Variants in TSPAN8 observed in about 807,000 individuals in gnomAD.
TSPAN8 encodes tetraspanin 8.
Under a neutral mutation model 32.8 loss-of-function variants are expected in TSPAN8, and 21 were observed. The observed-to-expected ratio is 0.64, with a 90% CI of 0.45 to 0.92. The LOEUF (loss-of-function observed/expected upper bound fraction) is 0.92. Among genes scored for constraint, TSPAN8 ranks in the 40% least tolerant of loss-of-function variants. The pLI is 0.00. For synonymous variants in TSPAN8, 95 were observed against 94.6 expected (o/e 1.00, Z -0.03); for missense variants, 269 against 281.9 (o/e 0.95, Z 0.33).
At chr12:71,151,971 GC>G (rs1195629573) in intron 2 of TSPAN8, among the ~76,000 whole-genome samples, 1 of 152,162 alleles carries the variant, frequency 6.6e-6, no homozygotes, top group East Asian at 1.9e-4. Flanking sequence ...CCATTTGAAA[GC>G]CCATTATGTA....
At chr12:71,144,811 A>G (rs1162025616) in intron 2 of TSPAN8, among the ~76,000 whole-genome samples, 2 of 152,206 alleles carry the variant, frequency 1.3e-5, no homozygotes, top group African/African-American at 2.4e-5. Context: ...GTTTACTCAC[A>G]GAGAAGGAAC....
intron 8 of TSPAN8, 106 bp downstream of exon 8, chr12:71,129,225 T>G: frequency 1.6e-6 from 2 of 1,233,158 alleles, no homozygotes; most frequent in Non-Finnish European, 2.2e-6. Flanking sequence ...TTTTTATGGT[T>G]GTTGTGGTTT....
At position 71,125,096 on chromosome 12, in the gene TSPAN8, C is replaced by G; in HGVS notation, c.*238G>C. The G allele has an allele frequency of 2.5e-6, 1 of 395,274 alleles. No individual in the cohort carries two copies. The highest frequency in any genetic ancestry group is 4.6e-6 in the Non-Finnish European group (1 of 219,458). 24.5% of individuals were successfully genotyped at this position (395,274 alleles called of 1,614,324 possible). A position where few individuals can be genotyped will look rare whatever the true frequency, so the allele number is the denominator to read the frequency against. On this transcript the variant is annotated 3_prime_UTR_variant, in exon 9 of 9. Transcript: ENST00000247829. ...ACAATGATCAGACATAGAAAAGCAC[C>G]AACGTAAACAGTTACTTTTATTTTG... is the stretch of plus-strand genomic sequence containing the variant.
At position 71,138,215 on chromosome 12, in the gene TSPAN8, G is replaced by C. The variant is rs1370008591; in HGVS notation, c.277C>G (p.Leu93Val). ...CMLLLFFIGL[L>V]LILLLQVATG... ...GCCACCTGCAGGAGCAGGATCAGAA[G>C]CAAGCCTATGAAAAACTGAAGAAGA... Residue 93 changes from leucine (L) to valine (V), a missense_variant, in exon 5 of 9, where the codon CTT becomes GTT. Physicochemically the swap from Leu to Val is conservative, Grantham distance 32. Coordinates refer to ENST00000247829, the MANE Select transcript of TSPAN8 (RefSeq NM_004616.3). 4 of 1,613,764 alleles carry C rather than the reference G, an allele frequency of 2.5e-6. No homozygotes were observed. Among genetic ancestry groups the C allele is most frequent in the Non-Finnish European group, 3.4e-6 (4 of 1,179,894 alleles).
At chr12:71,127,172 G>A (rs1310330830) in intron 8 of TSPAN8, among the ~76,000 whole-genome samples, 2 of 151,936 alleles carry the variant, frequency 1.3e-5, no homozygotes, top group Non-Finnish European at 2.9e-5. Context: ...TTCTGTTTCT[G>A]TATCTTTGTG....
chr12:71,134,737 T>C (rs1871625295), intron 6 of TSPAN8, among the ~76,000 whole-genome samples: 1 of 152,200 alleles, frequency 6.6e-6, no homozygotes, highest in Admixed American at 6.5e-5. Context: ...TATATTCTCA[T>C]TTACAGATCG....
chr12:71,139,663 C>T, intron 4 of TSPAN8, 48 bp downstream of exon 4: 1 of 1,600,108 alleles, frequency 6.2e-7, no homozygotes, highest in Non-Finnish European at 8.5e-7. Flanking sequence ...GGGAGAGAAT[C>T]CTCTGGAGTC....
At chr12:71,137,547 C>A (rs1331239078) in intron 6 of TSPAN8, among the ~76,000 whole-genome samples, 1 of 151,988 alleles carries the variant, frequency 6.6e-6, no homozygotes, top group Non-Finnish European at 1.5e-5. Context: ...TTGCAGCGAG[C>A]CAAGATTGCA....
At chr12:71,138,494 T>A (rs1871787529) in intron 4 of TSPAN8, among the ~76,000 whole-genome samples, 1 of 152,234 alleles carries the variant, frequency 6.6e-6, no homozygotes, top group Admixed American at 6.5e-5. Flanking sequence ...TGATATTGAC[T>A]AGAGGGAAGT....
chr12:71,134,657 A>T lies in TSPAN8; in HGVS notation c.445-1833T>A, dbSNP rs538538242. On this transcript the variant is annotated intron_variant, in intron 6 of 8. Transcript: ENST00000247829. ...TTAATTGTTTATTCTTTCTGATTAC[A>T]TAATCTTGAGTAGTATTCACTGATA... Among the ~76,000 whole-genome samples the T allele has an allele frequency of 3.3e-5, 5 of 152,360 alleles. No homozygotes were observed. The East Asian group carries it at 9.6e-4, about 29-fold the overall frequency.
At chr12:71,151,618 C>T (rs1394640957) in intron 2 of TSPAN8, among the ~76,000 whole-genome samples, 2 of 152,164 alleles carry the variant, frequency 1.3e-5, no homozygotes, top group Non-Finnish European at 2.9e-5. Context: ...AAAAGTATAA[C>T]GTTCATATAA....
At chr12:71,129,874 T>C (rs1357501896) in intron 7 of TSPAN8, among the ~76,000 whole-genome samples, 2 of 152,042 alleles carry the variant, frequency 1.3e-5, no homozygotes, top group Non-Finnish European at 2.9e-5. Context: ...AACAGAAAGG[T>C]TTCTGGTTGA....
At chr12:71,128,644 T>G (rs1871417200) in intron 8 of TSPAN8, among the ~76,000 whole-genome samples, 4 of 150,668 alleles carry the variant, frequency 2.7e-5, no homozygotes, top group Middle Eastern at 3.4e-3. Context: ...CTTTCAGGTT[T>G]TTTTTTTTTT....
Position 71,125,346 on chromosome 12 carries a change from G to A in TSPAN8, c.702C>T (p.Ile234=), listed in dbSNP as rs768541890. Residue 234 remains isoleucine, a synonymous_variant, in exon 9 of 9, where the codon ATC becomes ATT. Transcript: ENST00000247829. ...TGCATCCACAGATTCATTTGTTCCC[G>A]ATCTGGCAATACAGGACCATAGAAA... ...LVFSMVLYCQ[I]GNK The A allele has an allele frequency of 6.8e-6, 11 of 1,612,288 alleles. No individual in the cohort carries two copies. The highest frequency in any genetic ancestry group is 3.4e-5 in the Admixed American group (2 of 59,674).
intron 7 of TSPAN8, among the ~76,000 whole-genome samples, chr12:71,132,421 A>G (rs1045275543): frequency 1.3e-5 from 2 of 152,200 alleles, no homozygotes; most frequent in Non-Finnish European, 2.9e-5. Context: ...GATAAAATAA[A>G]CTTTTATGTT....
chr12:71,136,423 G>A lies in TSPAN8; in HGVS notation c.444+1530C>T, dbSNP rs957724235. 3.9e-5 allele frequency among the ~76,000 whole-genome samples: 6 copies of A among 152,288 alleles called. No individual in the cohort carries two copies. In the East Asian group the frequency reaches 7.7e-4, roughly 20 times the overall value. ...ATAAATATAAAATATGTTTATCAGT[G>A]AGAAGTCAGATTAAGTGACCTATAA... On this transcript the variant is annotated intron_variant, in intron 6 of 8. Coordinates refer to ENST00000247829, the MANE Select transcript of TSPAN8 (RefSeq NM_004616.3).
intron 2 of TSPAN8, among the ~76,000 whole-genome samples, chr12:71,145,082 A>C (rs1184359632): frequency 1.3e-5 from 2 of 152,114 alleles, no homozygotes; most frequent in Non-Finnish European, 2.9e-5. Flanking sequence ...CTTAGTAGAC[A>C]ATTCTGACCT....
At chr12:71,146,386 A>C (rs1193088298) in intron 2 of TSPAN8, among the ~76,000 whole-genome samples, 1 of 152,140 alleles carries the variant, frequency 6.6e-6, no homozygotes, top group Admixed American at 6.6e-5. Flanking sequence ...TTTGAAAGTC[A>C]ATTTATTTTC....
intron 5 of TSPAN8, 31 bp downstream of exon 5, chr12:71,138,125 C>T (rs1034719946): frequency 2.5e-6 from 4 of 1,610,550 alleles, no homozygotes; most frequent in Non-Finnish European, 2.5e-6. Flanking sequence ...TTTCAAACTT[C>T]TTCAAAATTT....
Sources: allele counts gnomAD v4.1 joint callset (sites outside exome capture counted in the v4.1 genomes callset), GRCh38; gene constraint gnomAD v4.1.1; transcripts MANE v1.5; gene names NCBI Gene and HGNC (gene_info 2026-07-23, HGNC 2026-07-21).